The following GAPDHS variants were observed in gnomAD, a reference collection of about 807,000 sequenced individuals.
GAPDHS encodes glyceraldehyde-3-phosphate dehydrogenase, spermatogenic.
In GAPDHS, 42 loss-of-function variants were observed where a neutral mutation model predicts 48.7. The ratio of observed to expected loss-of-function variants is 0.86; its 90% CI spans 0.67 to 1.12. The LOEUF is 1.12. GAPDHS is among the 50% of genes most tolerant of loss of function. GAPDHS has a pLI of 0.00. For synonymous variants in GAPDHS, 166 were observed against 219.1 expected (o/e 0.76, Z 2.14); for missense variants, 512 against 557.7 (o/e 0.92, Z 0.82).
At chr19:35,543,116 G>C in intron 7 of GAPDHS, 90 bp downstream of exon 7, 1 of 1,127,462 alleles carries the variant, frequency 8.9e-7, no homozygotes, top group Non-Finnish European at 1.3e-6. Flanking sequence ...AGTTAAGAGG[G>C]AGAGACTGGT....
In GAPDHS at chr19:35,545,258, G is replaced by C; in HGVS notation, c.*88G>C. 9.0e-7 allele frequency: 1 copy of C among 1,116,058 alleles called. No homozygotes were observed. Among genetic ancestry groups the C allele is most frequent in the South Asian group, 1.2e-5 (1 of 80,206 alleles). The allele number at this position is 1,116,058 out of a possible 1,614,324, so 69.1% of individuals were successfully genotyped here. On this transcript the variant is annotated 3_prime_UTR_variant, in exon 11 of 11. Transcript: ENST00000222286. Reference sequence around the variant, plus strand: ...GCATCTGGCTGCCCGGGGGAGGAAGGACACCCGGGGCGGGCGCCCCACGCC... The same window carrying C: ...GCATCTGGCTGCCCGGGGGAGGAAGCACACCCGGGGCGGGCGCCCCACGCC...
rs761312418 is a variant in GAPDHS, at chr19:35,533,586, C to T, written c.59C>T (p.Pro20Leu). The T allele has an allele frequency of 6.8e-6, 11 of 1,611,552 alleles. No individual in the cohort carries two copies. The highest frequency in any genetic ancestry group is 4.4e-5 in the South Asian group (4 of 91,036). Residue 20 changes from proline to leucine, a missense_variant, in exon 1 of 11, where the codon CCG becomes CTG. Pro to Leu is a moderately conservative substitution (Grantham distance 98). Transcript: ENST00000222286. ...ACCGTTGTCCAGTTGCTGCGACAGC[C>T]GTGCCCGGGTGAGGGAGGCAGCGGA... is the stretch of plus-strand genomic sequence containing the variant. ...NVTVVQLLRQPCPVTRAPPPP... is the reference protein window; with the variant it reads ...NVTVVQLLRQLCPVTRAPPPP...
rs1220983769 is a variant in GAPDHS at position 35,543,321 on chromosome 19, G to A, written c.742-19G>A. 4 of 1,608,372 alleles carry A rather than the reference G, an allele frequency of 2.5e-6. No homozygotes were observed. Among genetic ancestry groups the A allele is most frequent in the Non-Finnish European group, 3.4e-6 (4 of 1,178,322 alleles). ...CTTAGGAGCATGAAGGCCTCATCTT[G>A]GTCCTTCTCTTCCCCAAGACCACAG... is the stretch of plus-strand genomic sequence containing the variant. On this transcript the variant is annotated intron_variant, in intron 7 of 10. Transcript: ENST00000222286.
At chr19:35,535,638 C>T (rs1321674487) in intron 1 of GAPDHS, among the ~76,000 whole-genome samples, 3 of 152,204 alleles carry the variant, frequency 2.0e-5, no homozygotes, top group Non-Finnish European at 2.9e-5. Flanking sequence ...CTGCCTGCCT[C>T]GGCCTCCCAA....
rs547358601 is a variant in GAPDHS at position 35,539,297 on chromosome 19, CT to C, written c.449+615del. On this transcript the variant is annotated intron_variant, in intron 4 of 10. Transcript: ENST00000222286. ...ACACCTATTCAGCTCCCATTGACCA[CT>C]GCTGGTCAACTATGCCTGAATTCCA... 2.5e-4 allele frequency among the ~76,000 whole-genome samples: 38 copies of C among 152,336 alleles called. No homozygotes were observed. In the East Asian group the frequency reaches 6.9e-3, roughly 28 times the overall value.
At chr19:35,540,509 G>A (rs538755035) in intron 4 of GAPDHS, among the ~76,000 whole-genome samples, 38 of 152,324 alleles carry the variant, frequency 2.5e-4, no homozygotes, top group African/African-American at 9.1e-4. Flanking sequence ...TGGGCCAGAT[G>A]ATGGAAAGTG....
intron 2 of GAPDHS, among the ~76,000 whole-genome samples, chr19:35,538,096 T>C (rs891224589): frequency 6.6e-6 from 1 of 151,774 alleles, no homozygotes; most frequent in Non-Finnish European, 1.5e-5. Flanking sequence ...TATATATATA[T>C]GTATATATGG....
chr19:35,535,430 G>A (rs2071459334), intron 1 of GAPDHS, among the ~76,000 whole-genome samples: 1 of 152,056 alleles, frequency 6.6e-6, no homozygotes, highest in Non-Finnish European at 1.5e-5. Flanking sequence ...TTGTTGCCCA[G>A]GCTGGAGTGC....
At chr19:35,540,817 G>T (rs951373688) in intron 4 of GAPDHS, 2 of 152,016 alleles carry the variant, frequency 1.3e-5, no homozygotes, top group East Asian at 3.9e-4. Context: ...CAGTAAACAC[G>T]TATAAAATGG....
At chr19:35,537,774 G>T (rs61387518) in intron 2 of GAPDHS, among the ~76,000 whole-genome samples, 1,757 of 152,106 alleles carry the variant, frequency 0.012, 38 homozygotes, top group African/African-American at 0.041. Context: ...CAGCTACAAG[G>T]TTAAGAATAG....
chr19:35,545,275 C>A lies in GAPDHS; in HGVS notation c.*105C>A. Reference sequence around the variant, plus strand: ...GGAGGAAGGACACCCGGGGCGGGCGCCCCACGCCGATGGGTCCATGGTGAA... The same window carrying A: ...GGAGGAAGGACACCCGGGGCGGGCGACCCACGCCGATGGGTCCATGGTGAA... On this transcript the variant is annotated 3_prime_UTR_variant, in exon 11 of 11. Transcript: ENST00000222286. 1.1e-6 allele frequency: 1 copy of A among 904,508 alleles called. No homozygotes were observed. Among genetic ancestry groups the A allele is most frequent in the Non-Finnish European group, 1.8e-6 (1 of 543,290 alleles). The allele number at this position is 904,508 out of a possible 1,614,324, so 56.0% of individuals were successfully genotyped here.
chr19:35,543,306 T>A (rs751595593), intron 7 of GAPDHS, 34 bp from the exon 8 acceptor site: 6 of 1,603,204 alleles, frequency 3.7e-6, no homozygotes, highest in Non-Finnish European at 5.1e-6. Flanking sequence ...CTTAGGAGCA[T>A]GAAGGCCTCA....
chr19:35,533,621 G>A (rs1334749124), intron 1 of GAPDHS, 27 bp downstream of exon 1: 5 of 1,584,806 alleles, frequency 3.2e-6, no homozygotes, highest in Admixed American at 1.7e-5. Flanking sequence ...AGGGCGCGGG[G>A]GAGGGGTGGA....
At chr19:35,533,841 TAG>T (rs2071447858) in intron 1 of GAPDHS, among the ~76,000 whole-genome samples, 1 of 151,780 alleles carries the variant, frequency 6.6e-6, no homozygotes, top group South Asian at 2.1e-4. Flanking sequence ...TATCACGCGG[TAG>T]AAAGAGCAGA....
At chr19:35,535,864 G>A (rs1355168604) in intron 1 of GAPDHS, among the ~76,000 whole-genome samples, 1 of 151,382 alleles carries the variant, frequency 6.6e-6, no homozygotes, top group Non-Finnish European at 1.5e-5. Flanking sequence ...CCGCCTCCCA[G>A]GTTCAAGAGA....
chr19:35,537,061 G>A, intron 2 of GAPDHS, 71 bp downstream of exon 2: 1 of 1,288,848 alleles, frequency 7.8e-7, no homozygotes, highest in South Asian at 1.4e-5. Context: ...GCTAACTGGG[G>A]GCACCTCCAC....
chr19:35,534,507 C>CAGCACCCAGCT (rs2071452780), intron 1 of GAPDHS, among the ~76,000 whole-genome samples: 1 of 152,120 alleles, frequency 6.6e-6, no homozygotes, highest in African/African-American at 2.4e-5. Context: ...GAGCTGGGGG[C>CAGCACCCAGCT]AGCACCCAGC....
intron 5 of GAPDHS, 23 bp downstream of exon 5, chr19:35,542,432 G>C: frequency 6.2e-7 from 1 of 1,604,468 alleles, no homozygotes; most frequent in Non-Finnish European, 8.5e-7. Context: ...GAGGTGCCCA[G>C]GGCTAGCTGG....
At chr19:35,542,445 G>C in intron 5 of GAPDHS, 36 bp downstream of exon 5, 2 of 1,584,702 alleles carry the variant, frequency 1.3e-6, no homozygotes, top group Non-Finnish European at 1.7e-6. Flanking sequence ...CTAGCTGGGG[G>C]GATGATGGTG....
Sources: allele counts gnomAD v4.1 joint callset (sites outside exome capture counted in the v4.1 genomes callset), GRCh38; gene constraint gnomAD v4.1.1; transcripts MANE v1.5; gene names NCBI Gene and HGNC (gene_info 2026-07-23, HGNC 2026-07-21).